Variants in GK observed in about 807,000 individuals in gnomAD.
GK encodes the protein ATP:glycerol 3-phosphotransferase.
In GK, 9 loss-of-function variants were observed where a neutral mutation model predicts 56.4. The observed-to-expected ratio is 0.16, with a 90% CI of 0.10 to 0.28. The LOEUF (loss-of-function observed/expected upper bound fraction) is 0.28. GK is among the 10% of genes least tolerant of loss of function. The pLI, the probability that GK is intolerant of heterozygous loss-of-function variation, is 1.00. For synonymous variants in GK, 104 were observed against 144.1 expected (o/e 0.72, Z 1.99); for missense variants, 161 against 431.4 (o/e 0.37, Z 5.55).
At chrX:30,724,595 T>C (rs750398487) in intron 19 of GK, 20 of 308,056 alleles carry the variant, frequency 6.5e-5, no homozygotes, top group Admixed American at 6.3e-4. Context: ...GAATATATTC[T>C]GCTACTTCCT....
intron 5 of GK, among the ~76,000 whole-genome samples, chrX:30,692,302 G>T: frequency 9.0e-6 from 1 of 110,725 alleles, no homozygotes; most frequent in Non-Finnish European, 1.9e-5. Context: ...ACTCTGCTTC[G>T]AGGGATGCAT....
chrX:30,656,809 A>C, intron 1 of GK, among the ~76,000 whole-genome samples: 1 of 112,560 alleles, frequency 8.9e-6, no homozygotes, highest in Admixed American at 9.4e-5. Context: ...TTTATTGAGT[A>C]GATTTTTATT....
intron 6 of GK, among the ~76,000 whole-genome samples, 187 bp from the exon 7 acceptor site, chrX:30,695,855 A>T (rs1176848276): frequency 1.8e-5 from 2 of 112,694 alleles, no homozygotes; most frequent in African/African-American, 6.4e-5. Context: ...AACATGATCA[A>T]ATTGAGGTTT....
intron 11 of GK, among the ~76,000 whole-genome samples, chrX:30,702,005 T>C (rs1279686334): frequency 9.0e-6 from 1 of 111,578 alleles, no homozygotes; most frequent in Non-Finnish European, 1.9e-5. Context: ...TTGAAGGTAA[T>C]CTTTTTATTT....
At chrX:30,661,081 G>A (rs1487292714) in intron 1 of GK, among the ~76,000 whole-genome samples, 2 of 110,480 alleles carry the variant, frequency 1.8e-5, no homozygotes, top group Admixed American at 9.7e-5. Context: ...CAAAGTGCTG[G>A]GATTATAGGC....
At chrX:30,678,403 T>A in intron 4 of GK, among the ~76,000 whole-genome samples, 1 of 111,765 alleles carries the variant, frequency 8.9e-6, no homozygotes, top group East Asian at 2.8e-4. Context: ...TAAATTACAA[T>A]CACTAAAAGA....
At chrX:30,672,539 C>T (rs922284621) in intron 3 of GK, among the ~76,000 whole-genome samples, 1 of 112,489 alleles carries the variant, frequency 8.9e-6, no homozygotes, top group Non-Finnish European at 1.9e-5. Context: ...TCAGGCCGGG[C>T]GCAGTGGCTC....
intron 3 of GK, chrX:30,674,350 AAATCCTCACCTTCCTGTTGCTGTG>A (rs1284794271): frequency 3.0e-6 from 1 of 328,829 alleles, no homozygotes; most frequent in African/African-American, 2.7e-5. Context: ...CTGCGGCCTT[AAATCCTCACCTTCCTGTTGCTGTG>A]CTTAATATCT....
At chrX:30,717,646 G>A (rs1292474601) in intron 13 of GK, among the ~76,000 whole-genome samples, 1 of 111,958 alleles carries the variant, frequency 8.9e-6, no homozygotes, top group Non-Finnish European at 1.9e-5. Flanking sequence ...GTTGTAGCAT[G>A]TATTAAGACA....
chrX:30,724,544 G>A (rs1365548083), intron 19 of GK: 3 of 259,935 alleles, frequency 1.2e-5, no homozygotes, highest in African/African-American at 2.9e-5. Context: ...TTGGGGGGCT[G>A]TCTTTATGAC....
intron 14 of GK, 29 bp from the exon 15 acceptor site, chrX:30,719,390 T>G: frequency 2.3e-6 from 2 of 885,024 alleles, no homozygotes; most frequent in Non-Finnish European, 3.3e-6. Flanking sequence ...ATTTGTGTGA[T>G]TTTTGTTTTG....
At chrX:30,718,758 A>G in intron 14 of GK, 142 bp downstream of exon 14, 1 of 475,116 alleles carries the variant, frequency 2.1e-6, no homozygotes, top group South Asian at 3.1e-5. Context: ...TGACTTATGC[A>G]AAAGACTATC....
At chrX:30,718,709 A>G (rs899642281) in intron 14 of GK, 93 bp downstream of exon 14, 1 of 548,488 alleles carries the variant, frequency 1.8e-6, no homozygotes, top group Non-Finnish European at 3.2e-6. Context: ...CTTTGCCCCA[A>G]ATGTGATCCA....
chrX:30,696,919 T>C (rs1393067256), intron 8 of GK: 2 of 374,471 alleles, frequency 5.3e-6, no homozygotes, highest in African/African-American at 5.1e-5. Flanking sequence ...ATTGATGGGA[T>C]ACTCTAACTT....
At chrX:30,692,325 G>A (rs773026712) in intron 5 of GK, among the ~76,000 whole-genome samples, 6 of 111,129 alleles carry the variant, frequency 5.4e-5, no homozygotes, top group Admixed American at 9.6e-5. Flanking sequence ...TTTTCTCTCC[G>A]ATGTCATTTT....
intron 1 of GK, among the ~76,000 whole-genome samples, chrX:30,658,725 C>A (rs1932497415): frequency 8.9e-6 from 1 of 112,552 alleles, no homozygotes; most frequent in South Asian, 3.6e-4. Flanking sequence ...GAGCTGCCAC[C>A]CACTCTTGTC....
At chrX:30,658,613 G>A (rs770091929) in intron 1 of GK, among the ~76,000 whole-genome samples, 2 of 112,625 alleles carry the variant, frequency 1.8e-5, no homozygotes, top group Non-Finnish European at 3.8e-5. Flanking sequence ...ACCACGCCCG[G>A]CCAAGTTGTG....
chrX:30,677,273 C>T lies in GK; in HGVS notation c.260-102C>T. Reference sequence around the variant, plus strand: ...ATGTTTCAAGTATTTTTTTGATTTGCTATGTTTAGTTGTGTCTCTAGTAAG... The same window carrying T: ...ATGTTTCAAGTATTTTTTTGATTTGTTATGTTTAGTTGTGTCTCTAGTAAG... On this transcript the variant is annotated intron_variant, in intron 3 of 20. Coordinates refer to ENST00000427190, the MANE Select transcript of GK (RefSeq NM_001205019.2). The T allele has an allele frequency of 5.5e-6, 3 of 549,196 alleles. No homozygotes were observed. The Admixed American group carries it at 7.2e-5, about 13-fold the overall frequency. 45.3% of individuals were successfully genotyped at this position (549,196 alleles called of 1,213,427 possible).
At chrX:30,675,677 T>A (rs1350336751) in intron 3 of GK, among the ~76,000 whole-genome samples, 1 of 108,615 alleles carries the variant, frequency 9.2e-6, no homozygotes, top group Non-Finnish European at 1.9e-5. Context: ...CCCTAATTTT[T>A]AAAATTTTTT....
Sources: allele counts gnomAD v4.1 joint callset (sites outside exome capture counted in the v4.1 genomes callset), GRCh38; gene constraint gnomAD v4.1.1; transcripts MANE v1.5; gene names NCBI Gene and HGNC (gene_info 2026-07-23, HGNC 2026-07-21).